Variants in AKR1E2 observed in about 807,000 individuals in gnomAD.
AKR1E2 encodes the protein aldo-keto reductase family 1 member E2.
Under a neutral mutation model 41.9 loss-of-function variants are expected in AKR1E2, and 43 were observed. The ratio of observed to expected loss-of-function variants is 1.03; its 90% confidence interval spans 0.80 to 1.32. The LOEUF is 1.32. Among genes scored for constraint, AKR1E2 ranks in the 40% most tolerant of loss-of-function variants. The pLI, the probability that AKR1E2 is intolerant of heterozygous loss-of-function variation, is 0.00. For missense variants in AKR1E2, 423 were observed against 396.5 expected (o/e 1.07, Z -0.57); for synonymous variants, 121 against 138.9 (o/e 0.87, Z 0.91).
the AKR1E2 span, among the ~76,000 whole-genome samples, chr10:4,856,454 A>T: frequency 5.3e-5 from 8 of 152,360 alleles, no homozygotes; most frequent in Admixed American, 4.6e-4. Flanking sequence ...CTTTATAAGA[A>T]TCTTACCTTA....
At chr10:4,829,384 G>T (rs976443025) in intron 1 of AKR1E2, among the ~76,000 whole-genome samples, 1 of 152,066 alleles carries the variant, frequency 6.6e-6, no homozygotes, top group Non-Finnish European at 1.5e-5. Context: ...CATCCAATTT[G>T]CTTTTATTTT....
chr10:4,872,281 T>G, the AKR1E2 span, among the ~76,000 whole-genome samples: 1 of 152,222 alleles, frequency 6.6e-6, no homozygotes, highest in Non-Finnish European at 1.5e-5. Context: ...ATGCTTAGTC[T>G]GATTTAATAT....
At chr10:4,842,397 A>G in intron 7 of AKR1E2, 24 bp from the exon 8 acceptor site, 2 of 1,606,980 alleles carry the variant, frequency 1.2e-6, no homozygotes, top group South Asian at 2.2e-5. Flanking sequence ...TTTGTGTGAT[A>G]GTAGACTTTT....
upstream of AKR1E2, among the ~76,000 whole-genome samples, chr10:4,825,638 T>G (rs1832418881): frequency 6.6e-6 from 1 of 152,192 alleles, no homozygotes; most frequent in African/African-American, 2.4e-5. Context: ...AGTGGCTCCC[T>G]GACGGGGAAC....
the AKR1E2 span, among the ~76,000 whole-genome samples, chr10:4,863,940 A>C: frequency 4.6e-5 from 7 of 152,224 alleles, no homozygotes; most frequent in Non-Finnish European, 1.0e-4. Context: ...ATATACCAAT[A>C]ACAGGCTCTG....
rs35820298 is a variant in AKR1E2, at chr10:4,839,596, G to C, written c.583-133G>C. ...TGCTCTGTCCAGACTCCTCACAACAGAAACACTTAGGCCTGGAGCTGGGCC... is the reference window on the plus strand; with the variant it reads ...TGCTCTGTCCAGACTCCTCACAACACAAACACTTAGGCCTGGAGCTGGGCC... On this transcript the variant is annotated intron_variant, in intron 5 of 9. Transcript: ENST00000298375. 1,294 of 762,568 alleles carry C rather than the reference G, an allele frequency of 1.7e-3. 1 individual carries two copies. Among genetic ancestry groups the C allele is most frequent in the Non-Finnish European group, 2.4e-3 (1,081 of 451,226 alleles). 47.2% of individuals were successfully genotyped at this position (762,568 alleles called of 1,614,324 possible).
the AKR1E2 span, among the ~76,000 whole-genome samples, chr10:4,862,212 G>C: frequency 1.3e-5 from 2 of 152,096 alleles, no homozygotes; most frequent in Non-Finnish European, 2.9e-5. Context: ...TCTTGTTTTT[G>C]TCAGGTTTGT....
downstream of AKR1E2, among the ~76,000 whole-genome samples, chr10:4,848,958 G>A (rs1256130587): frequency 6.6e-6 from 1 of 152,228 alleles, no homozygotes; most frequent in Non-Finnish European, 1.5e-5. Flanking sequence ...ACTGCGACCA[G>A]TATCATTGCC....
the AKR1E2 span, among the ~76,000 whole-genome samples, chr10:4,860,536 T>G: frequency 6.6e-6 from 1 of 152,212 alleles, no homozygotes; most frequent in Admixed American, 6.5e-5. Context: ...CTTTTTTGAT[T>G]GCACCTCTAT....
chr10:4,855,605 G>A, the AKR1E2 span, among the ~76,000 whole-genome samples: 1 of 152,142 alleles, frequency 6.6e-6, no homozygotes, highest in African/African-American at 2.4e-5. Flanking sequence ...TCTTCTCTCT[G>A]TCTGTATTTG....
At chr10:4,859,939 G>A in the AKR1E2 span, among the ~76,000 whole-genome samples, 5 of 152,182 alleles carry the variant, frequency 3.3e-5, no homozygotes, top group Admixed American at 6.5e-5. Flanking sequence ...ATTGGGGATC[G>A]AGGCACCAGA....
intron 8 of AKR1E2, among the ~76,000 whole-genome samples, chr10:4,844,091 C>T (rs570301911): frequency 3.9e-5 from 6 of 152,228 alleles, no homozygotes; most frequent in East Asian, 1.9e-4. Flanking sequence ...GGAATGAAGC[C>T]GCGGACCCTT....
At chr10:4,837,045 GGAAA>G (rs1447827971) in intron 4 of AKR1E2, among the ~76,000 whole-genome samples, 4 of 152,172 alleles carry the variant, frequency 2.6e-5, no homozygotes, top group Non-Finnish European at 4.4e-5. Context: ...GTGTCTCAGT[GGAAA>G]GAAAGGTGAA....
At position 4,847,586 on chromosome 10, in the gene AKR1E2, A is replaced by G. The variant is rs553102627; in HGVS notation, c.*56A>G. On this transcript the variant is annotated 3_prime_UTR_variant, in exon 10 of 10. Coordinates refer to ENST00000298375, the MANE Select transcript of AKR1E2 (RefSeq NM_001040177.3). ...CCCAGATGCACAGACACTATTGGCAATGTTGACCCTCCTCTGTCATCACAG... is the reference window on the plus strand; with the variant it reads ...CCCAGATGCACAGACACTATTGGCAGTGTTGACCCTCCTCTGTCATCACAG... The G allele has an allele frequency of 8.2e-6, 13 of 1,584,158 alleles. No homozygotes were observed. Among genetic ancestry groups the G allele is most frequent in the South Asian group, 5.6e-5 (5 of 89,036 alleles).
At chr10:4,829,726 T>G (rs1358203156) in intron 1 of AKR1E2, among the ~76,000 whole-genome samples, 1 of 152,180 alleles carries the variant, frequency 6.6e-6, no homozygotes, top group African/African-American at 2.4e-5. Context: ...GGTAATATTT[T>G]CTTTTAAGTC....
chr10:4,869,762 G>A, the AKR1E2 span, among the ~76,000 whole-genome samples: 1 of 151,914 alleles, frequency 6.6e-6, no homozygotes, highest in Non-Finnish European at 1.5e-5. Context: ...TGTTTTACCT[G>A]TGGATTATTT....
At chr10:4,833,211 C>A (rs1833119000) in intron 2 of AKR1E2, 139 bp from the exon 3 acceptor site, 1 of 712,006 alleles carries the variant, frequency 1.4e-6, no homozygotes, top group East Asian at 2.5e-5. Flanking sequence ...GTCCTCCCAT[C>A]AGAACTTGCC....
intron 2 of AKR1E2, among the ~76,000 whole-genome samples, chr10:4,831,510 C>T (rs187149070): frequency 1.7e-3 from 254 of 152,258 alleles, no homozygotes; most frequent in Non-Finnish European, 2.9e-3. Flanking sequence ...GGGGAACTGC[C>T]GTTTATAAAA....
At chr10:4,852,101 A>G (rs568092209), downstream of AKR1E2, among the ~76,000 whole-genome samples, 6 of 152,330 alleles carry the variant, frequency 3.9e-5, no homozygotes, top group African/African-American at 9.6e-5. Context: ...GCAAAACTCT[A>G]TTCCAATGGT....
Sources: allele counts gnomAD v4.1 joint callset (sites outside exome capture counted in the v4.1 genomes callset), GRCh38; gene constraint gnomAD v4.1.1; transcripts MANE v1.5; gene names NCBI Gene and HGNC (gene_info 2026-07-23, HGNC 2026-07-21).